The following ABCB1 variants were observed in gnomAD, a reference collection of about 807,000 sequenced individuals.
The protein encoded by ABCB1 is ATP-dependent translocase ABCB1.
Under a neutral mutation model 142.0 loss-of-function variants are expected in ABCB1, and 69 were observed. The observed-to-expected ratio is 0.49, with a 90% CI of 0.40 to 0.59. ABCB1 has a LOEUF of 0.59. ABCB1 is among the 20% of genes least tolerant of loss of function. The pLI, the probability that ABCB1 is intolerant of heterozygous loss-of-function variation, is 0.00. For synonymous variants in ABCB1, 532 were observed against 539.2 expected (o/e 0.99, Z 0.18); for missense variants, 1,326 against 1,554.7 (o/e 0.85, Z 2.47).
chr7:87,585,373 T>C lies in ABCB1; in HGVS notation c.286+139A>G, dbSNP rs28381825. 16,428 of 813,590 alleles carry C rather than the reference T, an allele frequency of 0.02. 439 individuals are homozygous for C. The highest frequency in any genetic ancestry group is 0.1 in the African/African-American group (6,064 of 58,590). The allele number at this position is 813,590 out of a possible 1,614,324, so 50.4% of individuals were successfully genotyped here. On this transcript the variant is annotated intron_variant, in intron 4 of 27. Coordinates refer to ENST00000622132, the MANE Select transcript of ABCB1 (RefSeq NM_001348946.2). ...TATCTTTTCTAACTCACTACAAATATGAATTATAACTCAGACTGTCTGCCT... is the reference window on the plus strand; with the variant it reads ...TATCTTTTCTAACTCACTACAAATACGAATTATAACTCAGACTGTCTGCCT...
intron 1 of ABCB1, chr7:87,629,074 C>G (rs1820924809): frequency 3.2e-6 from 3 of 927,002 alleles, no homozygotes; most frequent in Non-Finnish European, 1.4e-6. Context: ...GTTGCGCCAG[C>G]CAAATCTGTG....
chr7:87,652,621 G>GATATAGATATATATATATAT (rs1823688160), intron 1 of ABCB1, among the ~76,000 whole-genome samples: 2 of 125,414 alleles, frequency 1.6e-5, no homozygotes, highest in Non-Finnish European at 3.2e-5. Context: ...TGTGGTCACT[G>GATATAGATATATATATATAT]ATATATATAT....
chr7:87,545,818 T>A (rs1220874311), intron 15 of ABCB1, 45 bp downstream of exon 15: 2 of 1,593,706 alleles, frequency 1.3e-6, no homozygotes, highest in Non-Finnish European at 1.7e-6. Context: ...GCAAAATCAG[T>A]TTATCACTGA....
intron 1 of ABCB1, among the ~76,000 whole-genome samples, chr7:87,626,311 C>CATATATATCT (rs1563080325): frequency 1.0e-4 from 3 of 29,666 alleles, no homozygotes; most frequent in Non-Finnish European, 1.6e-4. Context: ...ATATATGTGT[C>CATATATATCT]GTATATGTGT....
At chr7:87,570,959 TTTC>T (rs1818024982) in intron 4 of ABCB1, among the ~76,000 whole-genome samples, 1 of 152,226 alleles carries the variant, frequency 6.6e-6, no homozygotes, top group Non-Finnish European at 1.5e-5. Context: ...GTATCTATTT[TTTC>T]AATGTTGCAA....
At chr7:87,705,443 A>T (rs1202046529) in intron 1 of ABCB1, among the ~76,000 whole-genome samples, 33 of 152,010 alleles carry the variant, frequency 2.2e-4, no homozygotes. Flanking sequence ...AAACAAAACA[A>T]CAACAACAAA....
chr7:87,556,269 AC>A (rs1817305778), intron 8 of ABCB1, among the ~76,000 whole-genome samples: 1 of 152,238 alleles, frequency 6.6e-6, no homozygotes, highest in South Asian at 2.1e-4. Context: ...AGAATAAGGA[AC>A]AATTTTGGTT....
intron 7 of ABCB1, 90 bp downstream of exon 7, chr7:87,565,980 G>T: frequency 1.4e-6 from 2 of 1,392,596 alleles, no homozygotes; most frequent in Non-Finnish European, 2.0e-6. Context: ...CAGAATCAGA[G>T]TCATCATGTA....
chr7:87,622,656 A>G (rs1473241261), intron 1 of ABCB1, among the ~76,000 whole-genome samples: 1 of 152,190 alleles, frequency 6.6e-6, no homozygotes, highest in Non-Finnish European at 1.5e-5. Context: ...CTTAAGAACT[A>G]TGTGTACAGT....
intron 1 of ABCB1, among the ~76,000 whole-genome samples, chr7:87,687,896 A>G (rs1447309353): frequency 3.9e-5 from 6 of 152,208 alleles, no homozygotes; most frequent in African/African-American, 1.4e-4. Flanking sequence ...ATGGATAATC[A>G]TAAACCTGTT....
intron 1 of ABCB1, among the ~76,000 whole-genome samples, chr7:87,619,878 C>A (rs1233268229): frequency 6.6e-6 from 1 of 151,998 alleles, no homozygotes; most frequent in African/African-American, 2.4e-5. Flanking sequence ...TCATTAATAT[C>A]ATTGTCATTT....
intron 1 of ABCB1, among the ~76,000 whole-genome samples, chr7:87,646,555 T>C (rs979934210): frequency 1.3e-5 from 2 of 152,126 alleles, no homozygotes; most frequent in Non-Finnish European, 2.9e-5. Flanking sequence ...GGATGCAGAG[T>C]TAGCTTTCTT....
rs1242549034 is a variant in ABCB1 at position 87,540,996 on chromosome 7, C to A, written c.2319+361G>T. On this transcript the variant is annotated intron_variant, in intron 18 of 27. Coordinates refer to ENST00000622132, the MANE Select transcript of ABCB1 (RefSeq NM_001348946.2). The stretch of plus-strand genomic sequence containing the variant: ...TTTGTTTGTTGTTGCTTTTAGAACA[C>A]GGGAAGACATTTCTTTGAGTATTTA... Among the ~76,000 whole-genome samples, 6 of 152,234 alleles carry A rather than the reference C, an allele frequency of 3.9e-5. No homozygotes were observed. The East Asian group carries it at 1.2e-3, about 29-fold the overall frequency.
intron 1 of ABCB1, among the ~76,000 whole-genome samples, chr7:87,641,086 A>G (rs182702306): frequency 6.6e-6 from 1 of 152,232 alleles, no homozygotes; most frequent in East Asian, 1.9e-4. Context: ...TGTCACATCT[A>G]GAATGTTATT....
chr7:87,550,362 T>C (rs1816998816), intron 11 of ABCB1, 66 bp from the exon 12 acceptor site: 2 of 1,611,660 alleles, frequency 1.2e-6, no homozygotes, highest in African/African-American at 2.7e-5. Context: ...GAACTGACTG[T>C]TCACTAGGTT....
At chr7:87,516,368 G>T in intron 24 of ABCB1, 141 bp downstream of exon 24, 1 of 1,040,948 alleles carries the variant, frequency 9.6e-7, no homozygotes, top group East Asian at 2.5e-5. Flanking sequence ...ATTATTAGCA[G>T]TAATTGAAAG....
intron 21 of ABCB1, among the ~76,000 whole-genome samples, chr7:87,524,354 T>C (rs774197325): frequency 6.6e-6 from 1 of 152,194 alleles, no homozygotes; most frequent in Non-Finnish European, 1.5e-5. Context: ...AAATGATATA[T>C]AGTCACTTTA....
Position 87,682,781 on chromosome 7 carries a change from T to G in ABCB1, c.-331+30380A>C, listed in dbSNP as rs77079297. 2.2e-3 allele frequency among the ~76,000 whole-genome samples: 340 copies of G among 152,326 alleles called. 12 individuals are homozygous for G. The East Asian group carries it at 0.06, about 27-fold the overall frequency. On this transcript the variant is annotated intron_variant, in intron 1 of 28. Transcript: ENST00000265724. Reference sequence around the variant, plus strand: ...AATACCCTAGGATTTTTTGGAATGGTAAATAAGCATTGGCTTCAACTTAAA... The same window carrying G: ...AATACCCTAGGATTTTTTGGAATGGGAAATAAGCATTGGCTTCAACTTAAA...
chr7:87,594,724 A>T (rs935329721), intron 3 of ABCB1, among the ~76,000 whole-genome samples: 1 of 152,218 alleles, frequency 6.6e-6, no homozygotes, highest in Middle Eastern at 3.2e-3. Context: ...AGCAGGAGTC[A>T]TGGCAAGAGC....
Sources: gnomAD v4.1 joint callset for allele counts (sites outside exome capture counted in the v4.1 genomes callset) on GRCh38, gnomAD v4.1.1 for gene constraint, MANE v1.5 for transcripts, NCBI Gene and HGNC (gene_info 2026-07-23, HGNC 2026-07-21) for gene names.